Variants in TBL1X observed in about 807,000 individuals in gnomAD.
TBL1X encodes the protein F-box-like/WD repeat-containing protein TBL1X.
TBL1X carries 10 observed loss-of-function variants against 50.7 expected under a neutral mutation model. The ratio of observed to expected loss-of-function variants is 0.20; its 90% CI spans 0.12 to 0.33. The LOEUF (loss-of-function observed/expected upper bound fraction) is 0.33, where lower values mean the gene tolerates loss of function less well. TBL1X is among the 10% of genes least tolerant of loss of function. The probability of loss-of-function intolerance (pLI) is 1.00; values close to 1 mark genes in which losing one functional copy is unlikely to be tolerated. For missense variants in TBL1X, 340 were observed against 504.4 expected, an observed-to-expected ratio of 0.67 and a Z score of 3.12; for synonymous variants, 190 against 214.7, an observed-to-expected ratio of 0.88 and a Z score of 1.01.
At chrX:9,543,119 C>T (rs1183474213) in intron 2 of TBL1X, among the ~76,000 whole-genome samples, 1 of 112,588 alleles carries the variant, frequency 8.9e-6, no homozygotes, top group Non-Finnish European at 1.9e-5. Context: ...AGGGTGGCTT[C>T]CCCATGGCTG....
intron 2 of TBL1X, among the ~76,000 whole-genome samples, chrX:9,626,019 A>G (rs1261506469): frequency 1.8e-5 from 2 of 111,939 alleles, no homozygotes; most frequent in Non-Finnish European, 3.8e-5. Context: ...ACCTGGGATC[A>G]TTCCTGGATT....
intron 3 of TBL1X, among the ~76,000 whole-genome samples, chrX:9,650,186 A>G (rs1447902388): frequency 2.7e-5 from 3 of 112,099 alleles, no homozygotes; most frequent in Admixed American, 9.4e-5. Context: ...CAAAATGCTT[A>G]TTTTCCCTCT....
intron 13 of TBL1X, 86 bp downstream of exon 13, chrX:9,705,200 C>G: frequency 1.7e-6 from 2 of 1,180,133 alleles, no homozygotes; most frequent in Non-Finnish European, 2.3e-6. Context: ...TTAAAAGCTA[C>G]TGCAGCAGCA....
At chrX:9,708,422 T>TGC (rs2083223229) in intron 13 of TBL1X, among the ~76,000 whole-genome samples, 1 of 111,946 alleles carries the variant, frequency 8.9e-6, no homozygotes, top group African/African-American at 3.2e-5. Flanking sequence ...TGCCTGTGTG[T>TGC]GCATTTGGGT....
At chrX:9,514,396 T>C (rs188544637) in intron 2 of TBL1X, among the ~76,000 whole-genome samples, 10 of 111,210 alleles carry the variant, frequency 9.0e-5, no homozygotes, top group African/African-American at 2.9e-4. Flanking sequence ...ATTTCCTTGC[T>C]AGTTACAGAG....
chrX:9,468,206 G>A (rs1365263533), intron 1 of TBL1X, among the ~76,000 whole-genome samples: 1 of 111,905 alleles, frequency 8.9e-6, no homozygotes, highest in African/African-American at 3.2e-5. Context: ...ATTTGAGATG[G>A]GGCATGATAG....
intron 13 of TBL1X, 43 bp from the exon 14 acceptor site, chrX:9,709,203 TCA>T: frequency 8.5e-7 from 1 of 1,178,002 alleles, no homozygotes; most frequent in Non-Finnish European, 1.2e-6. Flanking sequence ...CCTCATCTAC[TCA>T]CAGGCCCTGA....
At chrX:9,674,520 C>CA (rs1265296874) in intron 5 of TBL1X, among the ~76,000 whole-genome samples, 3 of 111,176 alleles carry the variant, frequency 2.7e-5, no homozygotes, top group Non-Finnish European at 5.7e-5. Flanking sequence ...CCTTCGCCTC[C>CA]AAAAAAGTGC....
intron 1 of TBL1X, among the ~76,000 whole-genome samples, chrX:9,492,876 T>TGG (rs1555958912): frequency 4.1e-5 from 2 of 48,749 alleles, no homozygotes; most frequent in African/African-American, 1.7e-4. Flanking sequence ...TGTGTGTGTG[T>TGG]GTGTGTGTGT....
At chrX:9,623,340 A>G (rs770826878) in intron 2 of TBL1X, among the ~76,000 whole-genome samples, 6 of 112,052 alleles carry the variant, frequency 5.4e-5, no homozygotes, top group Non-Finnish European at 9.4e-5. Flanking sequence ...TCTGTTGTCT[A>G]TGGAGCAGAC....
chrX:9,520,890 G>A (rs1303637455), intron 2 of TBL1X, among the ~76,000 whole-genome samples: 1 of 111,309 alleles, frequency 9.0e-6, no homozygotes, highest in Non-Finnish European at 1.9e-5. Context: ...CCAGGAGTTG[G>A]AGACCAGCCT....
intron 1 of TBL1X, among the ~76,000 whole-genome samples, chrX:9,483,940 T>G (rs1046467927): frequency 1.8e-5 from 2 of 112,422 alleles, no homozygotes; most frequent in Admixed American, 1.9e-4. Flanking sequence ...CTTTCCTTAT[T>G]TTTGTATCTT....
intron 2 of TBL1X, among the ~76,000 whole-genome samples, chrX:9,523,398 T>C (rs975141416): frequency 1.8e-5 from 2 of 111,652 alleles, no homozygotes; most frequent in Non-Finnish European, 3.8e-5. Context: ...CTGGGCAGCA[T>C]TACCCACACT....
intron 2 of TBL1X, among the ~76,000 whole-genome samples, chrX:9,614,744 G>A (rs913414891): frequency 1.8e-5 from 2 of 111,309 alleles, no homozygotes; most frequent in Non-Finnish European, 3.8e-5. Flanking sequence ...ATTGCACCAT[G>A]ACTATAGAAA....
intron 2 of TBL1X, among the ~76,000 whole-genome samples, chrX:9,622,917 A>G (rs975708583): frequency 6.2e-5 from 7 of 112,203 alleles, no homozygotes; most frequent in Admixed American, 4.7e-4. Flanking sequence ...GCTTTTGGCT[A>G]TTGTGAATGA....
intron 2 of TBL1X, among the ~76,000 whole-genome samples, chrX:9,529,437 C>T (rs1314592602): frequency 2.7e-5 from 3 of 111,564 alleles, no homozygotes; most frequent in African/African-American, 6.5e-5. Flanking sequence ...GAATTTCAGA[C>T]GTGCTAAAGG....
At chrX:9,477,064 T>G (rs1230532826) in intron 1 of TBL1X, among the ~76,000 whole-genome samples, 1 of 112,493 alleles carries the variant, frequency 8.9e-6, no homozygotes, top group Non-Finnish European at 1.9e-5. Flanking sequence ...CTGGACATGG[T>G]TTTAGAAAAG....
chrX:9,468,577 A>G (rs2081792076), intron 1 of TBL1X, among the ~76,000 whole-genome samples: 1 of 111,221 alleles, frequency 9.0e-6, no homozygotes, highest in African/African-American at 3.3e-5. Context: ...CTGCCTGGTC[A>G]TGGGGAATCT....
chrX:9,491,746 G>A (rs1443118825), intron 1 of TBL1X, among the ~76,000 whole-genome samples: 8 of 110,771 alleles, frequency 7.2e-5, no homozygotes, highest in Non-Finnish European at 1.5e-4. Context: ...CTCGGTTTCT[G>A]TGTGGCAATT....
Sources: allele counts gnomAD v4.1 joint callset (sites outside exome capture counted in the v4.1 genomes callset), GRCh38; gene constraint gnomAD v4.1.1; transcripts MANE v1.5; gene names NCBI Gene and HGNC (gene_info 2026-07-23, HGNC 2026-07-21).